Variants in CACNB2 observed in about 807,000 individuals in gnomAD.
The protein encoded by CACNB2 is voltage-dependent L-type calcium channel subunit beta-2.
A neutral mutation model predicts 73.3 loss-of-function variants in CACNB2; 42 were observed. The observed-to-expected ratio is 0.57, with a 90% confidence interval of 0.45 to 0.74. The LOEUF is 0.74. Ranked by LOEUF, CACNB2 falls within the 30% of genes least tolerant of loss-of-function variation. The pLI is 0.00. For missense variants in CACNB2, 940 were observed against 853.0 expected, an observed-to-expected ratio of 1.10 and a Z score of -1.27; for synonymous variants, 348 against 310.3, an observed-to-expected ratio of 1.12 and a Z score of -1.28.
intron 3 of CACNB2, among the ~76,000 whole-genome samples, chr10:18,406,462 C>A (rs2132578355): frequency 6.6e-6 from 1 of 152,350 alleles, no homozygotes; most frequent in East Asian, 1.9e-4. Flanking sequence ...GCTCCGCCTC[C>A]TGTCAGATCA....
At chr10:18,275,534 G>A (rs2038246111) in intron 2 of CACNB2, among the ~76,000 whole-genome samples, 1 of 152,070 alleles carries the variant, frequency 6.6e-6, no homozygotes, top group Non-Finnish European at 1.5e-5. Flanking sequence ...GATGATCTTT[G>A]AAGCAAACCA....
At chr10:18,426,282 G>A (rs1275744490) in intron 3 of CACNB2, among the ~76,000 whole-genome samples, 1 of 152,126 alleles carries the variant, frequency 6.6e-6, no homozygotes, top group Non-Finnish European at 1.5e-5. Flanking sequence ...GCTGTTGAAT[G>A]TCTTAGAATA....
chr10:18,359,815 A>C (rs768704465), intron 2 of CACNB2, among the ~76,000 whole-genome samples: 11 of 150,970 alleles, frequency 7.3e-5, no homozygotes, highest in Non-Finnish European at 1.5e-4. Flanking sequence ...TTTCTTGGCC[A>C]CATCTCTTGA....
intron 2 of CACNB2, among the ~76,000 whole-genome samples, chr10:18,299,019 TAACA>T (rs1202995398): frequency 2.2e-5 from 3 of 134,866 alleles, no homozygotes; most frequent in Non-Finnish European, 4.6e-5. Flanking sequence ...TATACACATG[TAACA>T]AACCTGCACG....
At chr10:18,144,292 C>T (rs983685393) in intron 1 of CACNB2, among the ~76,000 whole-genome samples, 2 of 152,172 alleles carry the variant, frequency 1.3e-5, no homozygotes, top group African/African-American at 4.8e-5. Flanking sequence ...GTTGGCTAGG[C>T]TTGTATCAAA....
chr10:18,499,805 T>TACAAAAA (rs756799139), intron 4 of CACNB2, among the ~76,000 whole-genome samples: 1 of 117,814 alleles, frequency 8.5e-6, no homozygotes, highest in Non-Finnish European at 1.7e-5. Flanking sequence ...ACCCCATCTC[T>TACAAAAA]AAAAAAAAAA....
rs542037765 is a variant in CACNB2 at position 18,175,074 on chromosome 10, G to A, written c.213+24099G>A. Among the ~76,000 whole-genome samples, 4 of 152,072 alleles carry A rather than the reference G, an allele frequency of 2.6e-5. No homozygotes were observed. In the East Asian group the frequency reaches 7.7e-4, roughly 29 times the overall value. ...AACAAGACTATTTCATGTGGCTGAC[G>A]AGAATTGACCTCTCTATGGTCTTGT... On this transcript the variant is annotated intron_variant, in intron 2 of 13. Transcript: ENST00000324631.
chr10:18,208,483 A>G (rs1216846809), intron 2 of CACNB2, among the ~76,000 whole-genome samples: 2 of 151,930 alleles, frequency 1.3e-5, no homozygotes, highest in Admixed American at 6.6e-5. Flanking sequence ...GTGGTGGTGC[A>G]CACCTGTGGT....
chr10:18,507,787 CAG>C (rs1013377637), intron 6 of CACNB2, among the ~76,000 whole-genome samples: 7 of 152,302 alleles, frequency 4.6e-5, no homozygotes, highest in Non-Finnish European at 8.8e-5. Context: ...AGATAAAAAA[CAG>C]AGAGTTGTAC....
chr10:18,374,352 T>G (rs148514569), intron 2 of CACNB2, among the ~76,000 whole-genome samples: 1 of 152,244 alleles, frequency 6.6e-6, no homozygotes, highest in African/African-American at 2.4e-5. Context: ...GATCCTGAAT[T>G]AATAAGAAAG....
At chr10:18,153,563 C>CTTACTTACTTAT (rs138892750) in intron 2 of CACNB2, among the ~76,000 whole-genome samples, 1 of 142,644 alleles carries the variant, frequency 7.0e-6, no homozygotes, top group East Asian at 2.1e-4. Context: ...CTAGATTTTA[C>CTTACTTACTTAT]TTATTTATTT....
chr10:18,533,956 A>G (rs893724135), intron 10 of CACNB2, 120 bp from the exon 11 acceptor site: 33 of 850,594 alleles, frequency 3.9e-5, no homozygotes, highest in Non-Finnish European at 5.7e-5. Context: ...TATCAATTCT[A>G]TTGCCTGTAA....
rs1038894442 is a variant in CACNB2 at position 18,539,891 on chromosome 10, G to A, written c.*167G>A. 1 of 760,834 alleles carries A rather than the reference G, an allele frequency of 1.3e-6. No individual in the cohort carries two copies. The highest frequency in any genetic ancestry group is 2.1e-6 in the Non-Finnish European group (1 of 486,916). The allele number at this position is 760,834 out of a possible 1,614,324, so 47.1% of individuals were successfully genotyped here. A position where few individuals can be genotyped will look rare whatever the true frequency, so the allele number is the denominator to read the frequency against. On this transcript the variant is annotated 3_prime_UTR_variant, in exon 14 of 14. Transcript: ENST00000324631. The stretch of plus-strand genomic sequence containing the variant: ...ATAGCAATAGCATGGATAGAGTATT[G>A]AGATACTTTTTCTTTTGTAAGTGCT...
At chr10:18,394,453 T>C (rs2043625842) in intron 2 of CACNB2, among the ~76,000 whole-genome samples, 1 of 152,210 alleles carries the variant, frequency 6.6e-6, no homozygotes, top group African/African-American at 2.4e-5. Flanking sequence ...GAATTTGTCC[T>C]AGCTTTTCTT....
At chr10:18,360,052 G>A (rs1174809947) in intron 2 of CACNB2, among the ~76,000 whole-genome samples, 3 of 152,086 alleles carry the variant, frequency 2.0e-5, no homozygotes, top group Admixed American at 6.6e-5. Flanking sequence ...GTGATCCAGC[G>A]TCACACAGAG....
intron 2 of CACNB2, among the ~76,000 whole-genome samples, chr10:18,156,687 A>G (rs747302482): frequency 3.9e-5 from 6 of 152,142 alleles, no homozygotes; most frequent in Non-Finnish European, 8.8e-5. Flanking sequence ...TATTTCAAAG[A>G]CAGAATCTGT....
At chr10:18,430,282 T>G (rs1309269530) in intron 3 of CACNB2, among the ~76,000 whole-genome samples, 1 of 152,108 alleles carries the variant, frequency 6.6e-6, no homozygotes, top group Admixed American at 6.6e-5. Flanking sequence ...GAACCTCTAG[T>G]CACACAGCAT....
At chr10:18,477,774 T>C (rs1175915088) in intron 3 of CACNB2, among the ~76,000 whole-genome samples, 1 of 152,174 alleles carries the variant, frequency 6.6e-6, no homozygotes, top group Admixed American at 6.5e-5. Flanking sequence ...TTTCAGTAAA[T>C]TGGCACTTTA....
At chr10:18,420,912 G>C (rs748919152) in intron 3 of CACNB2, among the ~76,000 whole-genome samples, 1 of 152,128 alleles carries the variant, frequency 6.6e-6, no homozygotes, top group Non-Finnish European at 1.5e-5. Context: ...GTTTATGCCT[G>C]AAAATAATAC....
Sources: gnomAD v4.1 joint callset for allele counts (sites outside exome capture counted in the v4.1 genomes callset) on GRCh38, gnomAD v4.1.1 for gene constraint, MANE v1.5 for transcripts, NCBI Gene and HGNC (gene_info 2026-07-23, HGNC 2026-07-21) for gene names.